The following STK3 variants were observed in gnomAD, a reference collection of about 807,000 sequenced individuals.
The protein encoded by STK3 is serine/threonine-protein kinase 3.
Under a neutral mutation model 58.0 loss-of-function variants are expected in STK3, and 41 were observed. The observed-to-expected ratio is 0.71, with a 90% CI of 0.55 to 0.92. The LOEUF (loss-of-function observed/expected upper bound fraction) is 0.92. STK3 is among the 40% of genes least tolerant of loss of function. STK3 has a pLI of 0.00. For missense variants in STK3, 479 were observed against 602.7 expected (o/e 0.79, Z 2.15); for synonymous variants, 170 against 191.0 (o/e 0.89, Z 0.91).
At chr8:98,843,241 C>T (rs1836066271) in intron 3 of STK3, among the ~76,000 whole-genome samples, 1 of 152,084 alleles carries the variant, frequency 6.6e-6, no homozygotes, top group South Asian at 2.1e-4. Context: ...TTCTATAACT[C>T]TGCATCAGTT....
At chr8:98,827,948 C>A (rs1835374056), upstream of STK3, among the ~76,000 whole-genome samples, 1 of 151,738 alleles carries the variant, frequency 6.6e-6, no homozygotes. Flanking sequence ...ACTCTAACCC[C>A]CCCAACTCTC....
At chr8:98,899,899 A>C (rs1838592255) in intron 1 of STK3, among the ~76,000 whole-genome samples, 1 of 152,184 alleles carries the variant, frequency 6.6e-6, no homozygotes, top group African/African-American at 2.4e-5. Flanking sequence ...GAATAGCTAT[A>C]ATAACACCTC....
chr8:98,631,531 T>G (rs1404966419), intron 6 of STK3, among the ~76,000 whole-genome samples: 5 of 152,210 alleles, frequency 3.3e-5, no homozygotes, highest in African/African-American at 9.7e-5. Context: ...CTACTATAAG[T>G]CACCTTATTA....
At chr8:98,764,446 A>C (rs1830820495) in intron 3 of STK3, among the ~76,000 whole-genome samples, 1 of 152,228 alleles carries the variant, frequency 6.6e-6, no homozygotes, top group African/African-American at 2.4e-5. Context: ...GAATGAAGAG[A>C]AGAATAAAGA....
intron 1 of STK3, among the ~76,000 whole-genome samples, chr8:98,942,037 G>A (rs1297750510): frequency 2.6e-5 from 4 of 152,208 alleles, no homozygotes; most frequent in African/African-American, 9.6e-5. Flanking sequence ...ACTCGCCCGT[G>A]GGCCGCGTGG....
intron 10 of STK3, among the ~76,000 whole-genome samples, chr8:98,520,262 A>G (rs1193014984): frequency 6.6e-6 from 1 of 152,170 alleles, no homozygotes; most frequent in Admixed American, 6.6e-5. Context: ...TAGCCCAAAT[A>G]TATTTTATCT....
chr8:98,546,826 T>C (rs951616130), intron 9 of STK3, among the ~76,000 whole-genome samples: 1 of 152,168 alleles, frequency 6.6e-6, no homozygotes, highest in Non-Finnish European at 1.5e-5. Context: ...CCCAGGATTA[T>C]GGCAATATAG....
At chr8:98,566,693 C>A (rs1347875503) in intron 8 of STK3, among the ~76,000 whole-genome samples, 1 of 152,124 alleles carries the variant, frequency 6.6e-6, no homozygotes, top group Admixed American at 6.6e-5. Flanking sequence ...AGAGTCTGGA[C>A]TGGAAACAGC....
In STK3 at chr8:98,526,838, G is replaced by C. The variant is rs552761087; in HGVS notation, c.1221C>G (p.His407Gln). 1 of 1,600,676 alleles carries C rather than the reference G, an allele frequency of 6.2e-7. No homozygotes were observed. The highest frequency in any genetic ancestry group is 1.3e-5 in the African/African-American group (1 of 74,866). ...CATGCATGTTCTGATTACAGTTTTC[G>C]TGACTCTTATTCTTGAAGTCTTGCT... is the stretch of plus-strand genomic sequence containing the variant. ...FDKQDFKNKS[H>Q]ENCNQNMHEP... Residue 407 changes from histidine (H) to glutamine (Q), a missense_variant, in exon 10 of 11, where the codon CAC becomes CAG. His to Gln is a conservative substitution (Grantham distance 24). Coordinates refer to ENST00000419617, the MANE Select transcript of STK3 (RefSeq NM_006281.4).
intron 3 of STK3, among the ~76,000 whole-genome samples, chr8:98,757,085 G>C (rs961578253): frequency 6.6e-6 from 1 of 151,954 alleles, no homozygotes; most frequent in South Asian, 2.1e-4. Flanking sequence ...GACACAGCAC[G>C]CCTCCTTCTC....
intron 1 of STK3, among the ~76,000 whole-genome samples, chr8:98,794,826 G>C (rs1833022765): frequency 6.6e-6 from 1 of 151,824 alleles, no homozygotes; most frequent in Non-Finnish European, 1.5e-5. Context: ...CCAGCACTTT[G>C]GGAGCCTAAG....
At chr8:98,887,281 G>A (rs1016767660) in intron 1 of STK3, among the ~76,000 whole-genome samples, 6 of 152,158 alleles carry the variant, frequency 3.9e-5, no homozygotes, top group Admixed American at 2.6e-4. Flanking sequence ...TCTGAGTGCT[G>A]AAATGATGCT....
intron 6 of STK3, among the ~76,000 whole-genome samples, chr8:98,670,090 A>T (rs1822710959): frequency 6.6e-6 from 1 of 152,198 alleles, no homozygotes; most frequent in Non-Finnish European, 1.5e-5. Flanking sequence ...AATAGAGGCC[A>T]GGTGCAGTAG....
intron 6 of STK3, among the ~76,000 whole-genome samples, chr8:98,632,557 A>T (rs1315185972): frequency 6.6e-6 from 1 of 152,226 alleles, no homozygotes; most frequent in Non-Finnish European, 1.5e-5. Context: ...CTTAGATCTG[A>T]CGCAGAGGAA....
chr8:98,613,104 C>T (rs1400477902), intron 6 of STK3, among the ~76,000 whole-genome samples: 2 of 152,232 alleles, frequency 1.3e-5, no homozygotes, highest in Admixed American at 1.3e-4. Context: ...AATCACCACT[C>T]TGACTCAGCA....
At chr8:98,843,499 C>T (rs923927182) in intron 3 of STK3, among the ~76,000 whole-genome samples, 4 of 152,174 alleles carry the variant, frequency 2.6e-5, no homozygotes, top group African/African-American at 4.8e-5. Flanking sequence ...CAATGGCTGC[C>T]GAATTTGCCA....
At chr8:98,445,532 T>A (rs192559122) in intron 1 of STK3, among the ~76,000 whole-genome samples, 2 of 152,274 alleles carry the variant, frequency 1.3e-5, no homozygotes, top group Admixed American at 1.3e-4. Flanking sequence ...ATTTTCACAG[T>A]AAAATATCGT....
At chr8:98,495,210 G>A (rs981798798) in intron 10 of STK3, among the ~76,000 whole-genome samples, 2 of 152,092 alleles carry the variant, frequency 1.3e-5, no homozygotes, top group South Asian at 2.1e-4. Flanking sequence ...AACCATCAAC[G>A]CAATGTGCCA....
chr8:98,345,275 G>A, the STK3 span, among the ~76,000 whole-genome samples: 1 of 151,992 alleles, frequency 6.6e-6, no homozygotes, highest in Non-Finnish European at 1.5e-5. Flanking sequence ...TATTCATTGA[G>A]AAGAAATAAA....
Sources: gnomAD v4.1 joint callset for allele counts (sites outside exome capture counted in the v4.1 genomes callset) on GRCh38, gnomAD v4.1.1 for gene constraint, MANE v1.5 for transcripts, NCBI Gene and HGNC (gene_info 2026-07-23, HGNC 2026-07-21) for gene names.